RBFOX1: variants seen among roughly 807,000 people sequenced by gnomAD.
The protein encoded by RBFOX1 is RNA binding protein fox-1 homolog 1.
A neutral mutation model predicts 57.7 loss-of-function variants in RBFOX1; 8 were observed. The observed-to-expected ratio is 0.14, with a 90% CI of 0.08 to 0.25. The LOEUF (loss-of-function observed/expected upper bound fraction) is 0.25, where lower values mean the gene tolerates loss of function less well. Among genes scored for constraint, RBFOX1 ranks in the 10% least tolerant of loss-of-function variants. RBFOX1 has a pLI of 1.00. For missense variants in RBFOX1, 611 were observed against 548.5 expected (o/e 1.11, Z -1.14); for synonymous variants, 326 against 222.4 (o/e 1.47, Z -4.15).
At chr16:6,444,733 G>A (rs562791642) in intron 2 of RBFOX1, among the ~76,000 whole-genome samples, 5 of 152,068 alleles carry the variant, frequency 3.3e-5, no homozygotes, top group Non-Finnish European at 7.4e-5. Flanking sequence ...CCAAAATGCA[G>A]AGTCTGTGTG....
At chr16:5,849,680 C>G (rs1202712904) in intron 3 of RBFOX1, among the ~76,000 whole-genome samples, 2 of 152,142 alleles carry the variant, frequency 1.3e-5, no homozygotes, top group East Asian at 1.9e-4. Flanking sequence ...CCCCCTCACT[C>G]CGAGGCATCG....
chr16:7,501,217 A>C (rs756238767), intron 4 of RBFOX1, among the ~76,000 whole-genome samples: 7 of 152,196 alleles, frequency 4.6e-5, no homozygotes, highest in Non-Finnish European at 8.8e-5. Flanking sequence ...ACCTAAAGTG[A>C]CTACTTGTTT....
At chr16:6,806,070 A>C (rs936693671) in intron 3 of RBFOX1, among the ~76,000 whole-genome samples, 8 of 152,194 alleles carry the variant, frequency 5.3e-5, no homozygotes, top group African/African-American at 1.9e-4. Context: ...AGCAGCTTGG[A>C]GAAGTATATG....
At chr16:7,064,106 A>G (rs978574642) in intron 4 of RBFOX1, among the ~76,000 whole-genome samples, 2 of 151,992 alleles carry the variant, frequency 1.3e-5, no homozygotes, top group South Asian at 2.1e-4. Flanking sequence ...TTAAAAAGAT[A>G]AGTAAGATAA....
intron 3 of RBFOX1, among the ~76,000 whole-genome samples, chr16:5,794,052 T>C (rs774869242): frequency 1.3e-5 from 2 of 152,180 alleles, no homozygotes. Context: ...CATTTGTGGT[T>C]AAGGGAATGA....
chr16:7,414,369 A>G (rs571900370), intron 4 of RBFOX1, among the ~76,000 whole-genome samples: 10 of 152,350 alleles, frequency 6.6e-5, no homozygotes, highest in South Asian at 6.2e-4. Flanking sequence ...TTGGTGGTCA[A>G]AAGTCTTTCT....
chr16:6,705,782 C>T (rs1330168371), intron 3 of RBFOX1, among the ~76,000 whole-genome samples: 5 of 152,062 alleles, frequency 3.3e-5, no homozygotes, highest in African/African-American at 4.8e-5. Flanking sequence ...ATTTGGGAGC[C>T]CGAGGCAGGC....
At chr16:7,564,119 G>C (rs1358197418) in intron 5 of RBFOX1, among the ~76,000 whole-genome samples, 1 of 152,122 alleles carries the variant, frequency 6.6e-6, no homozygotes, top group African/African-American at 2.4e-5. Context: ...ATGGTGTTTG[G>C]AAATGGGGAC....
intron 4 of RBFOX1, among the ~76,000 whole-genome samples, chr16:7,338,832 A>G (rs775907400): frequency 6.6e-6 from 1 of 152,202 alleles, no homozygotes; most frequent in Non-Finnish European, 1.5e-5. Flanking sequence ...GAAAAACAAC[A>G]GCTTGTTTGG....
chr16:5,850,619 G>C (rs2056871740), intron 3 of RBFOX1, among the ~76,000 whole-genome samples: 1 of 152,166 alleles, frequency 6.6e-6, no homozygotes, highest in African/African-American at 2.4e-5. Flanking sequence ...GGTGTCTTAT[G>C]TGCATGATCA....
intron 3 of RBFOX1, among the ~76,000 whole-genome samples, chr16:5,843,148 T>C (rs1349373220): frequency 2.6e-5 from 4 of 152,158 alleles, no homozygotes; most frequent in African/African-American, 9.7e-5. Context: ...TTTTTATCTT[T>C]CATTATAGGT....
intron 1 of RBFOX1, among the ~76,000 whole-genome samples, chr16:6,217,548 C>T (rs2097343837): frequency 6.6e-6 from 1 of 152,206 alleles, no homozygotes; most frequent in Non-Finnish European, 1.5e-5. Flanking sequence ...TGCTCCTTTG[C>T]ATCCAGAAGA....
At chr16:6,483,999 G>A (rs1037014007) in intron 2 of RBFOX1, 1 of 973,568 alleles carries the variant, frequency 1.0e-6, no homozygotes, top group Admixed American at 5.3e-5. Flanking sequence ...GGGTGGTCTG[G>A]ACACTTGGAG....
intron 3 of RBFOX1, among the ~76,000 whole-genome samples, chr16:5,699,570 TG>T (rs914926463): frequency 6.6e-6 from 1 of 152,056 alleles, no homozygotes; most frequent in Admixed American, 6.5e-5. Context: ...AATGTCTGCT[TG>T]GGGGCAAAAT....
chr16:7,016,375 A>G (rs1248943080), intron 3 of RBFOX1, among the ~76,000 whole-genome samples: 1 of 152,168 alleles, frequency 6.6e-6, no homozygotes, highest in East Asian at 1.9e-4. Context: ...GTTTTAGAAG[A>G]AGCCTTTCGG....
intron 1 of RBFOX1, among the ~76,000 whole-genome samples, chr16:6,193,585 A>T (rs2097161263): frequency 6.6e-6 from 1 of 151,222 alleles, no homozygotes; most frequent in Admixed American, 6.6e-5. Context: ...GGCTACTTTT[A>T]AAAAATAAAG....
intron 4 of RBFOX1, among the ~76,000 whole-genome samples, chr16:5,897,756 C>T (rs1204820814): frequency 6.6e-6 from 1 of 152,010 alleles, no homozygotes; most frequent in African/African-American, 2.4e-5. Context: ...GTTTTTTAGT[C>T]TGATCATAGC....
intron 4 of RBFOX1, among the ~76,000 whole-genome samples, chr16:7,268,544 T>C (rs891579795): frequency 6.6e-6 from 1 of 152,212 alleles, no homozygotes; most frequent in Non-Finnish European, 1.5e-5. Flanking sequence ...GAATTGCCAA[T>C]TGACTTGCTC....
intron 3 of RBFOX1, among the ~76,000 whole-genome samples, chr16:5,700,036 G>T (rs569961268): frequency 6.6e-6 from 1 of 152,216 alleles, no homozygotes; most frequent in East Asian, 1.9e-4. Flanking sequence ...GTTTTACCGT[G>T]TTAGCCAGGA....
Sources: gnomAD v4.1 joint callset for allele counts (sites outside exome capture counted in the v4.1 genomes callset) on GRCh38, gnomAD v4.1.1 for gene constraint, MANE v1.5 for transcripts, NCBI Gene and HGNC (gene_info 2026-07-23, HGNC 2026-07-21) for gene names.